DPP6: variants seen among roughly 807,000 people sequenced by gnomAD.
The protein encoded by DPP6 is A-type potassium channel modulatory protein DPP6.
Under a neutral mutation model 122.6 loss-of-function variants are expected in DPP6, and 69 were observed. The observed-to-expected ratio is 0.56, with a 90% CI of 0.46 to 0.69. DPP6 has a LOEUF of 0.69. Among genes scored for constraint, DPP6 ranks in the 30% least tolerant of loss-of-function variants. The pLI is 0.00. For synonymous variants in DPP6, 418 were observed against 433.1 expected, an observed-to-expected ratio of 0.97 and a Z score of 0.43; for missense variants, 928 against 1,116.9, an observed-to-expected ratio of 0.83 and a Z score of 2.41.
At chr7:154,779,922 T>C (rs1054678372) in intron 10 of DPP6, among the ~76,000 whole-genome samples, 10 of 152,254 alleles carry the variant, frequency 6.6e-5, no homozygotes, top group Non-Finnish European at 2.9e-5. Context: ...CCAATTTTTT[T>C]TGGACGTGGT....
chr7:154,176,125 AT>A (rs1797791505), intron 1 of DPP6, among the ~76,000 whole-genome samples: 1 of 152,186 alleles, frequency 6.6e-6, no homozygotes, highest in African/African-American at 2.4e-5. Context: ...ATGGGACAAG[AT>A]TTCTTCTTAG....
chr7:154,331,975 T>A (rs561558070), intron 1 of DPP6, among the ~76,000 whole-genome samples: 3 of 152,296 alleles, frequency 2.0e-5, no homozygotes, highest in Admixed American at 2.0e-4. Flanking sequence ...TTCTCACCAA[T>A]TTGGGTGATG....
intron 1 of DPP6, among the ~76,000 whole-genome samples, chr7:154,245,308 G>T (rs1801902434): frequency 6.6e-6 from 1 of 151,960 alleles, no homozygotes; most frequent in South Asian, 2.1e-4. Flanking sequence ...GGAAAGAATA[G>T]TAAAAGATAA....
chr7:154,648,425 TG>T (rs1161966622), intron 6 of DPP6, among the ~76,000 whole-genome samples: 2 of 152,152 alleles, frequency 1.3e-5, no homozygotes, highest in Non-Finnish European at 2.9e-5. Flanking sequence ...TGCAGAGGGT[TG>T]GACACAAATA....
At chr7:153,873,292 A>C in the DPP6 span, among the ~76,000 whole-genome samples, 1 of 152,182 alleles carries the variant, frequency 6.6e-6, no homozygotes, top group Non-Finnish European at 1.5e-5. Context: ...ATTAAGCCCC[A>C]CCTCCAACAC....
In DPP6 at chr7:154,540,271, A is replaced by G. The variant is rs79694354; in HGVS notation, c.458-261A>G. Among the ~76,000 whole-genome samples the G allele has an allele frequency of 0.033, 4,963 of 152,222 alleles. 272 individuals carry two copies. The highest frequency in any genetic ancestry group is 0.11 in the African/African-American group (4,625 of 41,526). On this transcript the variant is annotated intron_variant, in intron 3 of 25. Transcript: ENST00000377770. ...TTAATCTGCTCTTTGTGTCCTGCCCAAGAACATTCTAGCTGTTCCAAAGGT... is the reference window on the plus strand; with the variant it reads ...TTAATCTGCTCTTTGTGTCCTGCCCGAGAACATTCTAGCTGTTCCAAAGGT...
intron 2 of DPP6, among the ~76,000 whole-genome samples, chr7:154,458,751 G>A (rs2151311906): frequency 6.6e-6 from 1 of 152,332 alleles, no homozygotes; most frequent in East Asian, 1.9e-4. Flanking sequence ...GAACTAGAAT[G>A]CTTAGAAGCC....
At chr7:154,552,232 C>T (rs1364190053) in intron 4 of DPP6, among the ~76,000 whole-genome samples, 1 of 152,184 alleles carries the variant, frequency 6.6e-6, no homozygotes, top group East Asian at 1.9e-4. Flanking sequence ...GTGAGACCAG[C>T]TATGTAGTGG....
intron 4 of DPP6, among the ~76,000 whole-genome samples, chr7:154,566,287 A>AT (rs901885414): frequency 1.9e-4 from 29 of 150,444 alleles, no homozygotes; most frequent in South Asian, 1.7e-3. Flanking sequence ...TGCTCTCTCT[A>AT]TTTTTTTTTC....
At chr7:154,682,088 T>C (rs960931802) in intron 7 of DPP6, among the ~76,000 whole-genome samples, 6 of 152,172 alleles carry the variant, frequency 3.9e-5, no homozygotes, top group Admixed American at 2.6e-4. Context: ...TTCATGGAAA[T>C]TGGAAAACTT....
At chr7:154,465,203 A>G (rs10242874) in intron 2 of DPP6, among the ~76,000 whole-genome samples, 16 of 152,334 alleles carry the variant, frequency 1.1e-4, no homozygotes, top group African/African-American at 3.6e-4. Flanking sequence ...TGCAAGGTCT[A>G]TTTACACATA....
chr7:154,476,769 A>G (rs1329067634), intron 3 of DPP6, among the ~76,000 whole-genome samples: 1 of 152,218 alleles, frequency 6.6e-6, no homozygotes, highest in Non-Finnish European at 1.5e-5. Context: ...AGCAGTTACA[A>G]AAACAAAACA....
chr7:154,235,743 T>G (rs1208215689), intron 1 of DPP6, among the ~76,000 whole-genome samples: 1 of 152,232 alleles, frequency 6.6e-6, no homozygotes, highest in Non-Finnish European at 1.5e-5. Flanking sequence ...ATTAAAAGTG[T>G]GAGCTTTGAA....
chr7:154,615,233 T>C (rs900230575), intron 5 of DPP6, among the ~76,000 whole-genome samples: 1 of 152,126 alleles, frequency 6.6e-6, no homozygotes, highest in Non-Finnish European at 1.5e-5. Flanking sequence ...TGGAAGATTA[T>C]CCTAACGAGC....
chr7:154,053,789 G>T (rs1458481224), intron 1 of DPP6, among the ~76,000 whole-genome samples: 3 of 150,276 alleles, frequency 2.0e-5, no homozygotes, highest in African/African-American at 7.3e-5. Context: ...AAACTTCTCC[G>T]AGAGCACATT....
At chr7:153,995,276 C>T (rs986739952) in intron 1 of DPP6, among the ~76,000 whole-genome samples, 4 of 152,126 alleles carry the variant, frequency 2.6e-5, no homozygotes, top group Non-Finnish European at 5.9e-5. Flanking sequence ...GACAGTTTAT[C>T]CCATGAGTTC....
chr7:154,878,054 CTTTT>C (rs1805041956), intron 20 of DPP6, among the ~76,000 whole-genome samples: 1 of 152,302 alleles, frequency 6.6e-6, no homozygotes, highest in African/African-American at 2.4e-5. Context: ...TCCTTTGGGT[CTTTT>C]TCATTTGTGT....
At chr7:154,777,525 C>G (rs1383136238) in intron 10 of DPP6, among the ~76,000 whole-genome samples, 2 of 152,116 alleles carry the variant, frequency 1.3e-5, no homozygotes, top group Non-Finnish European at 2.9e-5. Flanking sequence ...GCTGTGGTTT[C>G]TATGCTTTCA....
chr7:153,806,515 G>T, the DPP6 span, among the ~76,000 whole-genome samples: 1 of 151,602 alleles, frequency 6.6e-6, no homozygotes, highest in South Asian at 2.1e-4. Flanking sequence ...TTCAGTCTAA[G>T]CTCCTGCAAT....
Sources: allele counts gnomAD v4.1 joint callset (sites outside exome capture counted in the v4.1 genomes callset), GRCh38; gene constraint gnomAD v4.1.1; transcripts MANE v1.5; gene names NCBI Gene and HGNC (gene_info 2026-07-23, HGNC 2026-07-21).